FBN2: variants seen among roughly 807,000 people sequenced by gnomAD.
FBN2 encodes the protein fibrillin 2.
FBN2 carries 105 observed loss-of-function variants against 355.6 expected under a neutral mutation model. The ratio of observed to expected loss-of-function variants is 0.30; its 90% CI spans 0.25 to 0.35. FBN2 has a LOEUF of 0.35. Ranked by LOEUF, FBN2 falls within the 10% of genes least tolerant of loss-of-function variation. FBN2 has a pLI of 1.00. For missense variants in FBN2, 3,280 were observed against 3,758.7 expected (o/e 0.87, Z 3.33); for synonymous variants, 1,350 against 1,301.2 (o/e 1.04, Z -0.81).
At chr5:128,426,616 A>G (rs541419211) in intron 7 of FBN2, among the ~76,000 whole-genome samples, 2 of 152,178 alleles carry the variant, frequency 1.3e-5, no homozygotes, top group South Asian at 2.1e-4. Flanking sequence ...AATAAAATGT[A>G]ACAAATCTAA....
intron 7 of FBN2, among the ~76,000 whole-genome samples, chr5:128,440,844 C>T (rs879710305): frequency 4.6e-5 from 7 of 152,134 alleles, no homozygotes; most frequent in South Asian, 2.1e-4. Flanking sequence ...GCCAGAGAGG[C>T]GGCATAGAAT....
At chr5:128,407,842 G>A (rs959484047) in intron 8 of FBN2, among the ~76,000 whole-genome samples, 1 of 152,170 alleles carries the variant, frequency 6.6e-6, no homozygotes, top group Admixed American at 6.5e-5. Context: ...GATCCTGGCA[G>A]TTGGTTGCTG....
At chr5:128,268,182 T>C (rs1765166493) in intron 62 of FBN2, among the ~76,000 whole-genome samples, 1 of 152,048 alleles carries the variant, frequency 6.6e-6, no homozygotes, top group Non-Finnish European at 1.5e-5. Flanking sequence ...AAAAAAATGA[T>C]AAAGGTGATA....
intron 5 of FBN2, among the ~76,000 whole-genome samples, chr5:128,472,787 G>A (rs1405651446): frequency 5.8e-5 from 8 of 138,004 alleles, no homozygotes; most frequent in African/African-American, 2.2e-4. Flanking sequence ...GCAAAACTCC[G>A]TCTCAGAAAA....
At chr5:128,330,938 C>T (rs1750675905) in intron 32 of FBN2, among the ~76,000 whole-genome samples, 1 of 152,104 alleles carries the variant, frequency 6.6e-6, no homozygotes, top group African/African-American at 2.4e-5. Context: ...TTTTTAACAG[C>T]TTAAAGCAAA....
chr5:128,287,434 AC>A lies in FBN2; in HGVS notation c.6758-5del. 6.2e-7 allele frequency: 1 copy of A among 1,613,794 alleles called. No individual in the cohort carries two copies. The highest frequency in any genetic ancestry group is 8.5e-7 in the Non-Finnish European group (1 of 1,179,780). On this transcript the variant is annotated splice_region_variant and splice_polypyrimidine_tract_variant and intron_variant, in intron 53 of 64. Transcript: ENST00000262464. ...TTCTGGGCACATTCGTTGATATCTG[AC>A]CAAAGGAATGGACAGGAATGTGCTC...
rs367737399 is a variant in FBN2, at chr5:128,354,956, G to C, written c.2674+2320C>G. ...TTATCAACTAGAGTGACAAATGTGA[G>C]AGTCAACACAGAGGCTCTCGAGGAT... is the stretch of plus-strand genomic sequence containing the variant. On this transcript the variant is annotated intron_variant, in intron 20 of 64. Transcript: ENST00000262464. Among the ~76,000 whole-genome samples the C allele has an allele frequency of 2.0e-5, 3 of 152,270 alleles. 1 individual carries two copies. The highest frequency in any genetic ancestry group is 4.2e-4 in the South Asian group (2 of 4,814).
intron 34 of FBN2, among the ~76,000 whole-genome samples, chr5:128,324,523 C>T (rs1750488003): frequency 6.6e-6 from 1 of 151,892 alleles, no homozygotes; most frequent in South Asian, 2.1e-4. Flanking sequence ...TTCTGTATTC[C>T]TGCCTTAATT....
chr5:128,278,867 A>T (rs760995106), intron 56 of FBN2, 26 bp from the exon 57 acceptor site: 2 of 1,574,794 alleles, frequency 1.3e-6, no homozygotes, highest in African/African-American at 2.7e-5. Flanking sequence ...AGAAAGAGTT[A>T]AGGATGCGGA....
intron 58 of FBN2, 42 bp downstream of exon 58, chr5:128,277,838 A>C: frequency 6.2e-7 from 1 of 1,611,614 alleles, no homozygotes; most frequent in South Asian, 1.1e-5. Context: ...ACAGTAGCTG[A>C]TTAGCCCCCA....
At chr5:128,267,718 T>C (rs1217459158) in intron 62 of FBN2, among the ~76,000 whole-genome samples, 2 of 152,246 alleles carry the variant, frequency 1.3e-5, no homozygotes, top group African/African-American at 4.8e-5. Flanking sequence ...TTCTGGATAT[T>C]AGACCTGTGT....
intron 5 of FBN2, among the ~76,000 whole-genome samples, chr5:128,482,797 AT>A (rs574166314): frequency 6.6e-6 from 1 of 152,084 alleles, no homozygotes; most frequent in Non-Finnish European, 1.5e-5. Context: ...TCTAGTAAAG[AT>A]TTTTTTATCA....
At chr5:128,486,524 T>C (rs1392504540) in intron 5 of FBN2, among the ~76,000 whole-genome samples, 4 of 152,208 alleles carry the variant, frequency 2.6e-5, no homozygotes, top group Admixed American at 6.6e-5. Context: ...TGTTCTTGTA[T>C]GTCTTCAAAA....
chr5:128,532,781 C>T (rs1756741104), intron 2 of FBN2, among the ~76,000 whole-genome samples: 1 of 152,178 alleles, frequency 6.6e-6, no homozygotes, highest in Non-Finnish European at 1.5e-5. Context: ...TATGGTGGCT[C>T]ATGTCTGTAA....
chr5:128,408,640 C>A (rs771368356), intron 8 of FBN2, 34 bp downstream of exon 8: 2 of 1,613,198 alleles, frequency 1.2e-6, no homozygotes, highest in Non-Finnish European at 1.7e-6. Flanking sequence ...TTATAAAGAC[C>A]CAGTGTATTG....
intron 5 of FBN2, among the ~76,000 whole-genome samples, chr5:128,498,144 G>A (rs891531134): frequency 1.3e-5 from 2 of 152,150 alleles, no homozygotes; most frequent in Non-Finnish European, 2.9e-5. Flanking sequence ...AGAAAGAGAT[G>A]ACCATTCAAA....
At chr5:128,429,356 T>C (rs1360839851) in intron 7 of FBN2, among the ~76,000 whole-genome samples, 7 of 152,158 alleles carry the variant, frequency 4.6e-5, no homozygotes, top group Admixed American at 1.3e-4. Context: ...CCACCCACTA[T>C]ACAAATACTG....
At chr5:128,311,199 T>C (rs1750046970) in intron 39 of FBN2, 101 bp downstream of exon 39, 4 of 1,286,518 alleles carry the variant, frequency 3.1e-6, no homozygotes, top group African/African-American at 2.9e-5. Context: ...CAATCTTAAT[T>C]GAGCCTTTTG....
At chr5:128,435,327 T>C (rs989304085) in intron 7 of FBN2, among the ~76,000 whole-genome samples, 9 of 152,192 alleles carry the variant, frequency 5.9e-5, no homozygotes, top group Non-Finnish European at 8.8e-5. Flanking sequence ...ACTAGGCAAA[T>C]ATATGCTCTA....
Sources: allele counts gnomAD v4.1 joint callset (sites outside exome capture counted in the v4.1 genomes callset), GRCh38; gene constraint gnomAD v4.1.1; transcripts MANE v1.5; gene names NCBI Gene and HGNC (gene_info 2026-07-23, HGNC 2026-07-21).